TRAF7: variants seen among roughly 807,000 people sequenced by gnomAD.
TRAF7 encodes E3 ubiquitin-protein ligase TRAF7.
In TRAF7, 45 loss-of-function variants were observed where a neutral mutation model predicts 89.3. The ratio of observed to expected loss-of-function variants is 0.50; its 90% confidence interval spans 0.40 to 0.65. The LOEUF (loss-of-function observed/expected upper bound fraction) is 0.65. Ranked by LOEUF, TRAF7 falls within the 30% of genes least tolerant of loss-of-function variation. TRAF7 has a pLI of 0.00. For missense variants in TRAF7, 677 were observed against 918.1 expected, an observed-to-expected ratio of 0.74 and a Z score of 3.39; for synonymous variants, 406 against 369.2, an observed-to-expected ratio of 1.10 and a Z score of -1.14.
Position 2,162,944 on chromosome 16 carries a change from C to T in TRAF7, c.-38-939C>T, listed in dbSNP as rs932748385. On this transcript the variant is annotated intron_variant, in intron 1 of 20. Transcript: ENST00000326181. This position sits in a 1 kb window ranked among gnomAD's most constrained non-coding sequence, Gnocchi z 5.0. ...AGTGGGACCTGCTCGGGAGGAGGGG[C>T]GCCTGCTGACAGAGCCTGGTGCCTC... Among the ~76,000 whole-genome samples, 28 of 151,306 alleles carry T rather than the reference C, an allele frequency of 1.9e-4. No individual in the cohort carries two copies. The highest frequency in any genetic ancestry group is 5.8e-4 in the African/African-American group (24 of 41,436).
At chr16:2,164,308 G>T (rs549276669) in intron 2 of TRAF7, among the ~76,000 whole-genome samples, 1 of 148,590 alleles carries the variant, frequency 6.7e-6, no homozygotes, top group African/African-American at 2.5e-5. Context: ...GCGTGACCTG[G>T]CCTGGTCGCA....
chr16:2,175,456 G>A (rs2093131620), intron 16 of TRAF7, 39 bp downstream of exon 16: 1 of 1,612,300 alleles, frequency 6.2e-7, no homozygotes, highest in Non-Finnish European at 8.5e-7. Context: ...TGTCACTGAG[G>A]CGTCCCTTGC....
At chr16:2,156,768 T>G (rs2093036640) in intron 1 of TRAF7, among the ~76,000 whole-genome samples, 2 of 152,002 alleles carry the variant, frequency 1.3e-5, no homozygotes, top group African/African-American at 4.8e-5. Flanking sequence ...GCAAATGACT[T>G]GGGGTTGAGG....
In TRAF7 at chr16:2,162,513, G is replaced by T. The variant is rs1189026602; in HGVS notation, c.-38-1370G>T. Among the ~76,000 whole-genome samples the T allele has an allele frequency of 6.6e-6, 1 of 152,264 alleles. No individual in the cohort carries two copies. The highest frequency in any genetic ancestry group is 1.5e-5 in the Non-Finnish European group (1 of 67,990). On this transcript the variant is annotated intron_variant, in intron 1 of 20. Transcript: ENST00000326181. The surrounding 1 kb of genome is among the most constrained non-coding windows in gnomAD (Gnocchi z 5.0). The stretch of plus-strand genomic sequence containing the variant: ...ATGCCCCCTGAGCTGTGCTCCTGCT[G>T]GGTGGGGGCAGAGACCAGCTCCGCC...
rs1490627924 is a variant in TRAF7, at chr16:2,163,823, T to A, written c.-38-60T>A. On this transcript the variant is annotated intron_variant, in intron 1 of 20. Transcript: ENST00000326181. The surrounding 1 kb of genome is among the most constrained non-coding windows in gnomAD (Gnocchi z 4.3). Reference sequence around the variant, plus strand: ...AGGTCTGCACACTTGCAGCAGCCCGTCTGACTCACAGGGGCCTGGGCTCCA... The same window carrying A: ...AGGTCTGCACACTTGCAGCAGCCCGACTGACTCACAGGGGCCTGGGCTCCA... The A allele has an allele frequency of 3.5e-6, 4 of 1,133,876 alleles. No individual in the cohort carries two copies. Among genetic ancestry groups the A allele is most frequent in the Admixed American group, 2.0e-5 (1 of 50,794 alleles). The allele number at this position is 1,133,876 out of a possible 1,614,324, so 70.2% of individuals were successfully genotyped here.
In TRAF7 at chr16:2,168,728, C is replaced by T. The variant is rs574106195; in HGVS notation, c.231+560C>T. 1.3e-5 allele frequency among the ~76,000 whole-genome samples: 2 copies of T among 151,994 alleles called. No homozygotes were observed. Among genetic ancestry groups the T allele is most frequent in the Admixed American group, 6.6e-5 (1 of 15,262 alleles). On this transcript the variant is annotated intron_variant, in intron 4 of 20. Transcript: ENST00000326181. The surrounding 1 kb of genome is among the most constrained non-coding windows in gnomAD (Gnocchi z 4.1). ...GAGGTGCAGAAAGGATCAGGGCAGTCGGGGGCTGGCTGCTGGTACCTGAGC... is the reference window on the plus strand; with the variant it reads ...GAGGTGCAGAAAGGATCAGGGCAGTTGGGGGCTGGCTGCTGGTACCTGAGC...
At chr16:2,170,318 C>T (rs546515242) in intron 4 of TRAF7, among the ~76,000 whole-genome samples, 3 of 152,348 alleles carry the variant, frequency 2.0e-5, no homozygotes, top group East Asian at 1.9e-4. Context: ...GGAAGCAGCC[C>T]GGGTATATGG....
rs796496208 is a variant in TRAF7, at chr16:2,177,379, C to T, written c.*805C>T. ...GGGACGCCACCTCCGCCAGCCGCCT[C>T]CACCCGCCCCACACCACAATCGCTG... On this transcript the variant is annotated 3_prime_UTR_variant, in exon 21 of 21. Transcript: ENST00000326181. 9.8e-5 allele frequency: 23 copies of T among 233,772 alleles called. No individual in the cohort carries two copies. Among genetic ancestry groups the T allele is most frequent in the African/African-American group, 4.6e-4 (21 of 45,434 alleles). The allele number at this position is 233,772 out of a possible 1,614,324, so 14.5% of individuals were successfully genotyped here. A position where few individuals can be genotyped will look rare whatever the true frequency, so the allele number is the denominator to read the frequency against.
intron 7 of TRAF7, among the ~76,000 whole-genome samples, 181 bp downstream of exon 7, chr16:2,171,786 A>G (rs1342104247): frequency 6.6e-6 from 1 of 152,180 alleles, no homozygotes; most frequent in Non-Finnish European, 1.5e-5. Flanking sequence ...CTCCATGAGC[A>G]GAGTGGGGAC....
rs540009924 is a variant in TRAF7, at chr16:2,170,932, C to G, written c.348+202C>G. ...CCCCTGGGCATGTTCCCCCACTCCCCCTTCTCAGGGCTGCCCGGGAACTGG... is the reference window on the plus strand; with the variant it reads ...CCCCTGGGCATGTTCCCCCACTCCCGCTTCTCAGGGCTGCCCGGGAACTGG... On this transcript the variant is annotated intron_variant, in intron 5 of 20. Coordinates refer to ENST00000326181, the MANE Select transcript of TRAF7 (RefSeq NM_032271.3). 1.1e-3 allele frequency among the ~76,000 whole-genome samples: 168 copies of G among 152,364 alleles called. 2 individuals are homozygous for G. The East Asian group carries it at 0.028, about 25-fold the overall frequency.
At chr16:2,157,303 C>T (rs1049680657) in intron 1 of TRAF7, among the ~76,000 whole-genome samples, 6 of 152,182 alleles carry the variant, frequency 3.9e-5, no homozygotes, top group African/African-American at 1.4e-4. Context: ...GTATGGGCAG[C>T]CTGGCCTAAG....
At position 2,177,216 on chromosome 16, in the gene TRAF7, G is replaced by A. The variant is rs1024992960; in HGVS notation, c.*642G>A. ...CTGTTTATTGACAGCCGACGGCAGC[G>A]CCTTGCCCAGACCTCCCCTGCCCAC... On this transcript the variant is annotated 3_prime_UTR_variant, in exon 21 of 21. Coordinates refer to ENST00000326181, the MANE Select transcript of TRAF7 (RefSeq NM_032271.3). The A allele has an allele frequency of 2.0e-5, 5 of 244,392 alleles. No homozygotes were observed. Among genetic ancestry groups the A allele is most frequent in the East Asian group, 1.2e-4 (2 of 17,010 alleles). 15.1% of individuals were successfully genotyped at this position (244,392 alleles called of 1,614,324 possible). A position where few individuals can be genotyped will look rare whatever the true frequency, so the allele number is the denominator to read the frequency against.
chr16:2,172,624 G>T, intron 9 of TRAF7, 25 bp downstream of exon 9: 1 of 1,302,870 alleles, frequency 7.7e-7, no homozygotes, highest in South Asian at 1.3e-5. Flanking sequence ...GGCGGGGGTG[G>T]GCCGGGGTGG....
At chr16:2,175,255 G>A (rs199616589) in intron 15 of TRAF7, 46 bp from the exon 16 acceptor site, 1 of 1,612,424 alleles carries the variant, frequency 6.2e-7, no homozygotes, top group Non-Finnish European at 8.5e-7. Flanking sequence ...CAGACTCCAG[G>A]TGGCAGGGCT....
Position 2,171,608 on chromosome 16 carries a change from A to C in TRAF7, c.475+3A>C. ...TAGGAGATGCGCCTTGAAGTCAGGT[A>C]GGTTTGTGCCCCGGCCCAGGCCTGA... On this transcript the variant is annotated splice_donor_region_variant and intron_variant, in intron 7 of 20. Coordinates refer to ENST00000326181, the MANE Select transcript of TRAF7 (RefSeq NM_032271.3). The C allele has an allele frequency of 6.2e-7, 1 of 1,613,230 alleles. No individual in the cohort carries two copies. Among genetic ancestry groups the C allele is most frequent in the East Asian group, 2.2e-5 (1 of 44,868 alleles).
In TRAF7 at chr16:2,159,053, GC is replaced by G. The variant is rs2093047400; in HGVS notation, c.-39+3200del. Among the ~76,000 whole-genome samples the G allele has an allele frequency of 6.6e-6, 1 of 152,218 alleles. No individual in the cohort carries two copies. Among genetic ancestry groups the G allele is most frequent in the African/African-American group, 2.4e-5 (1 of 41,452 alleles). On this transcript the variant is annotated intron_variant, in intron 1 of 20. Transcript: ENST00000326181. The surrounding 1 kb of genome is among the most constrained non-coding windows in gnomAD (Gnocchi z 6.5). ...AAAAAAGGACTGAGAGATGTTGCCA[GC>G]CCCCAAGGGGTCGGAGGGGCAGCAA... is the stretch of plus-strand genomic sequence containing the variant.
At position 2,176,622 on chromosome 16, in the gene TRAF7, T is replaced by G. The variant is rs755220352; in HGVS notation, c.*48T>G. 6.2e-7 allele frequency: 1 copy of G among 1,612,926 alleles called. No individual in the cohort carries two copies. Among genetic ancestry groups the G allele is most frequent in the African/African-American group, 1.3e-5 (1 of 74,884 alleles). The stretch of plus-strand genomic sequence containing the variant: ...TTTCCCCTGAACCAGCCCTGGACCT[T>G]TCTGAGCCAGGCTGGCCACATGGGG... On this transcript the variant is annotated 3_prime_UTR_variant, in exon 21 of 21. Coordinates refer to ENST00000326181, the MANE Select transcript of TRAF7 (RefSeq NM_032271.3).
chr16:2,171,057 G>A (rs1440840857), intron 5 of TRAF7, among the ~76,000 whole-genome samples: 2 of 152,192 alleles, frequency 1.3e-5, no homozygotes, highest in East Asian at 1.9e-4. Flanking sequence ...CTCATCCTCC[G>A]GGGTTGGGCC....
chr16:2,155,889 G>C (rs1325386773), intron 1 of TRAF7, 31 bp downstream of exon 1: 1 of 150,444 alleles, frequency 6.6e-6, no homozygotes. Context: ...CCCGACCCGG[G>C]GCTCGCGCCT....
Sources: allele counts gnomAD v4.1 joint callset (sites outside exome capture counted in the v4.1 genomes callset), GRCh38; gene constraint gnomAD v4.1.1; non-coding constraint Gnocchi (gnomAD v3.1); transcripts MANE v1.5; gene names NCBI Gene and HGNC (gene_info 2026-07-23, HGNC 2026-07-21).